The following CCDC148 variants were observed in gnomAD, a reference collection of about 807,000 sequenced individuals.
The protein encoded by CCDC148 is coiled-coil domain containing 148.
CCDC148 carries 89 observed loss-of-function variants against 85.7 expected under a neutral mutation model. The observed-to-expected ratio is 1.04, with a 90% CI of 0.87 to 1.24. The LOEUF is 1.24. Ranked by LOEUF, CCDC148 falls within the 50% of genes most tolerant of loss-of-function variation. The pLI is 0.00. For missense variants in CCDC148, 692 were observed against 671.7 expected (o/e 1.03, Z -0.33); for synonymous variants, 230 against 213.9 (o/e 1.08, Z -0.66).
chr2:158,330,992 T>C (rs934283986), intron 7 of CCDC148, among the ~76,000 whole-genome samples: 1 of 152,196 alleles, frequency 6.6e-6, no homozygotes, highest in Non-Finnish European at 1.5e-5. Context: ...TGAAGGGTTT[T>C]TCTGTCTCTA....
chr2:158,173,627 A>G (rs936783633), intron 13 of CCDC148, among the ~76,000 whole-genome samples: 2 of 152,082 alleles, frequency 1.3e-5, no homozygotes, highest in Non-Finnish European at 2.9e-5. Context: ...ACAAGAATCA[A>G]TAGCACTTGG....
At chr2:158,444,214 T>G (rs920128101) in intron 1 of CCDC148, among the ~76,000 whole-genome samples, 24 of 152,082 alleles carry the variant, frequency 1.6e-4, no homozygotes, top group African/African-American at 5.1e-4. Context: ...CATATATATA[T>G]ACAGCAAACA....
intron 7 of CCDC148, among the ~76,000 whole-genome samples, chr2:158,324,865 A>G (rs960780280): frequency 3.3e-5 from 5 of 152,004 alleles, no homozygotes; most frequent in African/African-American, 1.2e-4. Context: ...ATGAACATCT[A>G]TTCATTCCCC....
intron 1 of CCDC148, among the ~76,000 whole-genome samples, chr2:158,410,986 A>G (rs534207439): frequency 6.6e-6 from 1 of 151,388 alleles, no homozygotes; most frequent in African/African-American, 2.4e-5. Flanking sequence ...CTTGGTTTGC[A>G]ATTTTTTTTC....
rs115834280 is a variant in CCDC148, at chr2:158,387,834, C to T, written c.26-29264G>A. ...GTGCTCTGACACCCATATCAGGCCG[C>T]CCTTACACATAAATGTGGTCCTTAC... is the stretch of plus-strand genomic sequence containing the variant. On this transcript the variant is annotated intron_variant, in intron 1 of 13. Coordinates refer to ENST00000283233, the MANE Select transcript of CCDC148 (RefSeq NM_138803.4). Among the ~76,000 whole-genome samples, 881 of 152,264 alleles carry T rather than the reference C, an allele frequency of 5.8e-3. 10 individuals are homozygous for T. The highest frequency in any genetic ancestry group is 0.02 in the African/African-American group (839 of 41,558).
chr2:158,419,133 T>G (rs1003473611), intron 1 of CCDC148, among the ~76,000 whole-genome samples: 1 of 152,192 alleles, frequency 6.6e-6, no homozygotes, highest in Non-Finnish European at 1.5e-5. Context: ...AAGATCATGT[T>G]CTAACTAATT....
intron 9 of CCDC148, among the ~76,000 whole-genome samples, chr2:158,261,505 G>A (rs991417488): frequency 6.8e-6 from 1 of 147,130 alleles, no homozygotes; most frequent in South Asian, 2.1e-4. Flanking sequence ...CAACAAAATC[G>A]AAAATTGACA....
chr2:158,355,452 C>G (rs1172144425), intron 2 of CCDC148, among the ~76,000 whole-genome samples: 1 of 151,894 alleles, frequency 6.6e-6, no homozygotes, highest in Admixed American at 6.6e-5. Flanking sequence ...AACAGAGAGC[C>G]AAATCATGAG....
At chr2:158,186,842 C>A (rs937386886) in intron 11 of CCDC148, among the ~76,000 whole-genome samples, 1 of 151,994 alleles carries the variant, frequency 6.6e-6, no homozygotes, top group Non-Finnish European at 1.5e-5. Flanking sequence ...GCTACAAGAA[C>A]CAGTCAGGCT....
At chr2:158,195,147 C>T (rs544054311) in intron 11 of CCDC148, among the ~76,000 whole-genome samples, 1 of 152,064 alleles carries the variant, frequency 6.6e-6, no homozygotes, top group Non-Finnish European at 1.5e-5. Context: ...AAAGATATTT[C>T]CAGTTCACTG....
chr2:158,194,706 T>C (rs551108222), intron 11 of CCDC148, among the ~76,000 whole-genome samples: 2 of 152,158 alleles, frequency 1.3e-5, no homozygotes, highest in East Asian at 1.9e-4. Flanking sequence ...AACAACGAGA[T>C]AGAAAATTGT....
At chr2:158,350,786 G>A (rs899930598) in intron 2 of CCDC148, among the ~76,000 whole-genome samples, 9 of 151,846 alleles carry the variant, frequency 5.9e-5, no homozygotes, top group African/African-American at 1.9e-4. Context: ...GCATATTTAT[G>A]GGCACAATTT....
chr2:158,244,389 A>G (rs1235814565), intron 10 of CCDC148, among the ~76,000 whole-genome samples: 1 of 152,168 alleles, frequency 6.6e-6, no homozygotes, highest in Non-Finnish European at 1.5e-5. Context: ...TGCTTATGGT[A>G]TCACCAGGCT....
At chr2:158,234,251 G>C (rs1384766952) in intron 10 of CCDC148, among the ~76,000 whole-genome samples, 2 of 152,060 alleles carry the variant, frequency 1.3e-5, no homozygotes, top group South Asian at 2.1e-4. Context: ...CTCTCTACAT[G>C]AGTAAGAAAA....
chr2:158,286,330 G>GA (rs1326977484), intron 9 of CCDC148, among the ~76,000 whole-genome samples: 1 of 151,734 alleles, frequency 6.6e-6, no homozygotes, highest in East Asian at 1.9e-4. Flanking sequence ...CTTTCTTAAT[G>GA]AAAAAAAGAC....
chr2:158,377,888 G>A (rs1296761802), intron 1 of CCDC148, among the ~76,000 whole-genome samples: 1 of 152,048 alleles, frequency 6.6e-6, no homozygotes, highest in Non-Finnish European at 1.5e-5. Context: ...ATTCGTTCCA[G>A]CTGCTTTCCT....
At position 158,313,672 on chromosome 2, in the gene CCDC148, T is replaced by C. The variant is rs551587894; in HGVS notation, c.903+84A>G. Reference sequence around the variant, plus strand: ...GAAAAAAATAATTTTTAAAGAACCATTGAAAATACATGTACATTGCTTAAT... The same window carrying C: ...GAAAAAAATAATTTTTAAAGAACCACTGAAAATACATGTACATTGCTTAAT... On this transcript the variant is annotated intron_variant, in intron 8 of 13. Transcript: ENST00000283233. 5.0e-5 allele frequency: 65 copies of C among 1,299,512 alleles called. No individual in the cohort carries two copies. The African/African-American group carries it at 8.4e-4, about 17-fold the overall frequency. The allele number at this position is 1,299,512 out of a possible 1,614,324, so 80.5% of individuals were successfully genotyped here.
At chr2:158,387,476 A>T (rs1007630167) in intron 1 of CCDC148, among the ~76,000 whole-genome samples, 1 of 151,034 alleles carries the variant, frequency 6.6e-6, no homozygotes, top group Non-Finnish European at 1.5e-5. Context: ...ATAAAATCTC[A>T]TCCCTCATCT....
At chr2:158,310,648 C>T (rs1294869819) in intron 8 of CCDC148, among the ~76,000 whole-genome samples, 6 of 141,764 alleles carry the variant, frequency 4.2e-5, no homozygotes, top group South Asian at 2.3e-4. Context: ...CAGACGGGGT[C>T]GTGGCCAGGC....
Sources: gnomAD v4.1 joint callset for allele counts (sites outside exome capture counted in the v4.1 genomes callset) on GRCh38, gnomAD v4.1.1 for gene constraint, MANE v1.5 for transcripts, NCBI Gene and HGNC (gene_info 2026-07-23, HGNC 2026-07-21) for gene names.